The following IQUB variants were observed in gnomAD, a reference collection of about 807,000 sequenced individuals.
IQUB encodes the protein IQ motif and ubiquitin domain containing.
In IQUB, 86 loss-of-function variants were observed where a neutral mutation model predicts 86.4. The observed-to-expected ratio is 1.00, with a 90% CI of 0.84 to 1.19. IQUB has a LOEUF of 1.19. Among genes scored for constraint, IQUB ranks in the 50% most tolerant of loss-of-function variants. IQUB has a pLI of 0.00. For synonymous variants in IQUB, 289 were observed against 304.5 expected, an observed-to-expected ratio of 0.95 and a Z score of 0.53; for missense variants, 946 against 916.9, an observed-to-expected ratio of 1.03 and a Z score of -0.41.
Position 123,531,741 on chromosome 7 carries a change from T to C in IQUB, c.-5+2751A>G, listed in dbSNP as rs113561134. Among the ~76,000 whole-genome samples the C allele has an allele frequency of 6.0e-3, 920 of 152,314 alleles. 5 individuals are homozygous for C. The highest frequency in any genetic ancestry group is 8.6e-3 in the Non-Finnish European group (582 of 68,034). On this transcript the variant is annotated intron_variant, in intron 1 of 12. Transcript: ENST00000324698. ...CATTTTATAAATATATTTTAACCAA[T>C]GACATATTATCAGTAAGTACAGATT...
Position 123,512,279 on chromosome 7 carries a change from T to G in IQUB, c.62A>C (p.Asp21Ala). 1 of 1,611,110 alleles carries G rather than the reference T, an allele frequency of 6.2e-7. No individual in the cohort carries two copies. Among genetic ancestry groups the G allele is most frequent in the South Asian group, 1.1e-5 (1 of 90,984 alleles). The change falls in exon 2 of 13, where the codon GAT (aspartate) becomes GCT (alanine). Residue 21 changes from aspartate (D) to alanine (A), a missense_variant. By Grantham distance (126) the Asp-to-Ala change is moderately radical. Transcript: ENST00000324698. ...AATAGTGACAGTATCAAAAGCATCA[T>G]CACTCTCTTCTGTTGAATTGACTAT... ...QNIVNSTEESDDAFDTVTIPV... is the reference protein window; with the variant it reads ...QNIVNSTEESADAFDTVTIPV...
rs759334419 is a variant in IQUB at position 123,512,066 on chromosome 7, G to C, written c.275C>G (p.Pro92Arg). The change falls in exon 2 of 13, where the codon CCG becomes CGG. Residue 92 changes from proline to arginine, a missense_variant. By Grantham distance (103) the Pro-to-Arg change is moderately radical. Transcript: ENST00000324698. ...VISPRQVSYT[P>R]QHHEKQYAMQ... ...TGCATATTGCTTTTCATGATGTTGC[G>C]GAGTATATGAAACTTGTCTTGGTGA... The C allele has an allele frequency of 1.9e-6, 3 of 1,613,718 alleles. No individual in the cohort carries two copies. The highest frequency in any genetic ancestry group is 2.5e-6 in the Non-Finnish European group (3 of 1,179,886).
At chr7:123,469,105 T>C in intron 9 of IQUB, 109 bp downstream of exon 9, 2 of 784,794 alleles carry the variant, frequency 2.5e-6, no homozygotes, top group Non-Finnish European at 3.8e-6. Context: ...CTTCCCAAAT[T>C]ATACCAAAAC....
Position 123,503,023 on chromosome 7 carries a change from A to T in IQUB, c.788T>A (p.Val263Glu). The T allele has an allele frequency of 6.2e-7, 1 of 1,612,730 alleles. No individual in the cohort carries two copies. The highest frequency in any genetic ancestry group is 1.1e-5 in the South Asian group (1 of 91,046). The change falls in exon 5 of 13, where the codon GTA becomes GAA. Residue 263 changes from valine to glutamate, a missense_variant. By Grantham distance (121) the Val-to-Glu change is moderately radical. Coordinates refer to ENST00000324698, the MANE Select transcript of IQUB (RefSeq NM_178827.5). The part of the protein sequence containing the change: ...LGGFRHKVTG[V>E]EYHNAGTQTV... ...TTGTGTTCCAGCATTGTGATACTCT[A>T]CTCCTGTTACTTTATGTCTGAATCC...
intron 5 of IQUB, 58 bp downstream of exon 5, chr7:123,502,886 C>A: frequency 6.9e-7 from 1 of 1,450,934 alleles, no homozygotes; most frequent in Non-Finnish European, 9.4e-7. Context: ...GAGAGTCATA[C>A]AGTACAATTA....
intron 2 of IQUB, among the ~76,000 whole-genome samples, chr7:123,510,772 T>C (rs1186650778): frequency 1.3e-5 from 2 of 152,118 alleles, no homozygotes; most frequent in East Asian, 1.9e-4. Flanking sequence ...CGAAGGTTCT[T>C]TGAGCTTGTT....
chr7:123,503,335 T>C lies in IQUB; in HGVS notation c.561A>G (p.Leu187=). 1 of 1,541,412 alleles carries C rather than the reference T, an allele frequency of 6.5e-7. No homozygotes were observed. The highest frequency in any genetic ancestry group is 8.7e-7 in the Non-Finnish European group (1 of 1,144,196). The stretch of plus-strand genomic sequence containing the variant: ...CCTGTGGCTTAACTCCATGTTGTAC[T>C]AGAGTCTCATTATTTTTAAGAATTT... The part of the protein sequence containing the change: ...SGKILKNNET[L]VQHGVKPQEI... The change falls in exon 4 of 13, where the codon CTA becomes CTG. Residue 187 remains leucine (L), a synonymous_variant. Coordinates refer to ENST00000324698, the MANE Select transcript of IQUB (RefSeq NM_178827.5).
At chr7:123,470,980 C>G (rs1429377985) in intron 8 of IQUB, among the ~76,000 whole-genome samples, 1 of 152,108 alleles carries the variant, frequency 6.6e-6, no homozygotes, top group Non-Finnish European at 1.5e-5. Context: ...AAAGCTACCT[C>G]TTAAAAACAA....
intron 1 of IQUB, among the ~76,000 whole-genome samples, chr7:123,519,677 T>C (rs949786510): frequency 6.6e-6 from 1 of 152,132 alleles, no homozygotes; most frequent in African/African-American, 2.4e-5. Context: ...GAAGTAAGGT[T>C]GGTTAAGGGG....
intron 1 of IQUB, among the ~76,000 whole-genome samples, chr7:123,524,366 C>T (rs966970456): frequency 6.7e-6 from 1 of 149,468 alleles, no homozygotes; most frequent in South Asian, 2.1e-4. Context: ...TGTTTGTATC[C>T]TCTTTTATTT....
intron 1 of IQUB, among the ~76,000 whole-genome samples, chr7:123,521,651 A>AACACACACAC (rs150359350): frequency 0.15 from 21,123 of 144,184 alleles, 1,841 homozygotes; most frequent in East Asian, 0.24. Flanking sequence ...TGTCTAAATA[A>AACACACACAC]ACACACACAC....
intron 9 of IQUB, among the ~76,000 whole-genome samples, chr7:123,467,736 A>G (rs1794329132): frequency 6.6e-6 from 1 of 152,176 alleles, no homozygotes; most frequent in Non-Finnish European, 1.5e-5. Context: ...AGGAAGACCA[A>G]GTGGAAGCCC....
intron 6 of IQUB, chr7:123,502,110 A>G (rs1371376114): frequency 6.5e-6 from 1 of 153,908 alleles, no homozygotes; most frequent in Non-Finnish European, 1.4e-5. Context: ...CACTGCTTTC[A>G]GGTCATTTTT....
intron 12 of IQUB, among the ~76,000 whole-genome samples, chr7:123,453,271 T>C (rs1793524785): frequency 6.9e-6 from 1 of 145,942 alleles, no homozygotes; most frequent in African/African-American, 2.5e-5. Context: ...AGAATATATA[T>C]ATATATATAT....
chr7:123,496,912 G>T lies in IQUB; in HGVS notation c.1024-6C>A, dbSNP rs757580410. On this transcript the variant is annotated splice_region_variant and splice_polypyrimidine_tract_variant and intron_variant, in intron 6 of 12. Coordinates refer to ENST00000324698, the MANE Select transcript of IQUB (RefSeq NM_178827.5). ...TAAGTCTGTATCACTATCACCTATAGTTAAATTAAAAGGAAATAGAAAGTG... is the reference window on the plus strand; with the variant it reads ...TAAGTCTGTATCACTATCACCTATATTTAAATTAAAAGGAAATAGAAAGTG... 6.4e-7 allele frequency: 1 copy of T among 1,567,198 alleles called. No individual in the cohort carries two copies. Among genetic ancestry groups the T allele is most frequent in the Non-Finnish European group, 8.7e-7 (1 of 1,155,108 alleles).
At chr7:123,453,129 C>CTAAGT (rs1363749566) in intron 12 of IQUB, among the ~76,000 whole-genome samples, 1 of 151,744 alleles carries the variant, frequency 6.6e-6, no homozygotes, top group Non-Finnish European at 1.5e-5. Context: ...TCTGACTTCT[C>CTAAGT]TAAGTTTAAA....
intron 1 of IQUB, chr7:123,532,718 A>G (rs1294660434): frequency 6.6e-6 from 1 of 152,172 alleles, no homozygotes; most frequent in African/African-American, 2.4e-5. Context: ...CGCTCCGCCC[A>G]AGGGGTCCGG....
chr7:123,505,082 T>C (rs1796117749), intron 3 of IQUB, among the ~76,000 whole-genome samples: 1 of 152,216 alleles, frequency 6.6e-6, no homozygotes, highest in Admixed American at 6.5e-5. Context: ...AGGGCAGTTA[T>C]TGAATCTTAA....
At chr7:123,532,305 C>T (rs2117407431) in intron 1 of IQUB, 1 of 152,242 alleles carries the variant, frequency 6.6e-6, no homozygotes, top group South Asian at 2.1e-4. Flanking sequence ...AAATATTAGG[C>T]GTCTACCTTA....
Sources: allele counts gnomAD v4.1 joint callset (sites outside exome capture counted in the v4.1 genomes callset), GRCh38; gene constraint gnomAD v4.1.1; transcripts MANE v1.5; gene names NCBI Gene and HGNC (gene_info 2026-07-23, HGNC 2026-07-21).